The following DDX60L variants were observed in gnomAD, a reference collection of about 807,000 sequenced individuals.
DDX60L encodes probable ATP-dependent RNA helicase DDX60-like.
DDX60L carries 191 observed loss-of-function variants against 211.6 expected under a neutral mutation model. The observed-to-expected ratio is 0.90, with a 90% confidence interval of 0.80 to 1.02. The LOEUF is 1.02. Ranked by LOEUF, DDX60L falls within the 50% of genes least tolerant of loss-of-function variation. The probability of loss-of-function intolerance (pLI) is 0.00; values close to 1 mark genes in which losing one functional copy is unlikely to be tolerated. For missense variants in DDX60L, 2,007 were observed against 1,984.1 expected (o/e 1.01, Z -0.22); for synonymous variants, 706 against 694.1 (o/e 1.02, Z -0.27).
At chr4:168,422,006 A>AT in intron 16 of DDX60L, 97 bp from the exon 17 acceptor site, 1 of 1,498,726 alleles carries the variant, frequency 6.7e-7, no homozygotes, top group South Asian at 1.2e-5. Context: ...CTGTGCCTGT[A>AT]TTATGCTACC....
In DDX60L at chr4:168,358,156, A is replaced by G; in HGVS notation, c.5112T>C (p.His1704=). 1.2e-6 allele frequency: 2 copies of G among 1,608,968 alleles called. No individual in the cohort carries two copies. The highest frequency in any genetic ancestry group is 8.5e-7 in the Non-Finnish European group (1 of 1,177,672). Residue 1704 remains histidine, a synonymous_variant, in exon 38 of 38, where the codon CAT becomes CAC. Transcript: ENST00000682922. ...AAAGTTTTCCATGGTGTTATTCTAA[A>G]TGATTTTGACTCATTTGAATTTGCA... ...QEMQIQMSQN[H]LE is the part of the protein sequence containing the mutation.
chr4:168,366,150 C>A (rs1739951968), intron 36 of DDX60L, among the ~76,000 whole-genome samples: 1 of 151,828 alleles, frequency 6.6e-6, no homozygotes, highest in Non-Finnish European at 1.5e-5. Flanking sequence ...GGCAAGCAGA[C>A]AAGAGAATAA....
chr4:168,419,195 C>T (rs564108471), intron 19 of DDX60L, 107 bp downstream of exon 19: 339 of 681,434 alleles, frequency 5.0e-4, no homozygotes, highest in Non-Finnish European at 7.0e-4. Flanking sequence ...CCCTGGCTGA[C>T]GCACAACTTA....
At chr4:168,422,000 G>T in intron 16 of DDX60L, 91 bp from the exon 17 acceptor site, 2 of 1,526,386 alleles carry the variant, frequency 1.3e-6, no homozygotes, top group Non-Finnish European at 1.8e-6. Context: ...TGTCTCCTGT[G>T]CCTGTATTAT....
chr4:168,398,742 G>A (rs533671755), intron 26 of DDX60L, among the ~76,000 whole-genome samples: 18 of 152,274 alleles, frequency 1.2e-4, no homozygotes, highest in Admixed American at 3.3e-4. Flanking sequence ...ACCAGCTTCC[G>A]AGAGGAGCTA....
intron 10 of DDX60L, among the ~76,000 whole-genome samples, chr4:168,435,824 G>A (rs935530708): frequency 6.6e-6 from 1 of 152,218 alleles, no homozygotes; most frequent in Admixed American, 6.5e-5. Context: ...TAGTGAATAA[G>A]AAGTAGACAC....
intron 28 of DDX60L, 138 bp from the exon 29 acceptor site, chr4:168,391,782 C>T (rs1034246435): frequency 3.2e-5 from 16 of 500,406 alleles, no homozygotes; most frequent in Non-Finnish European, 4.6e-5. Context: ...CATACTAACC[C>T]TACTGTTCTT....
intron 7 of DDX60L, among the ~76,000 whole-genome samples, chr4:168,454,341 A>G (rs769731874): frequency 6.6e-6 from 1 of 152,180 alleles, no homozygotes; most frequent in Non-Finnish European, 1.5e-5. Flanking sequence ...TAAAAAGACT[A>G]TTGCACAGTA....
intron 10 of DDX60L, among the ~76,000 whole-genome samples, chr4:168,434,384 G>C (rs958818478): frequency 2.6e-5 from 4 of 152,120 alleles, no homozygotes; most frequent in African/African-American, 9.7e-5. Context: ...TGTAAGACCT[G>C]CTCACTCACC....
intron 13 of DDX60L, among the ~76,000 whole-genome samples, chr4:168,430,000 C>T (rs1439850882): frequency 6.6e-6 from 1 of 152,144 alleles, no homozygotes; most frequent in East Asian, 1.9e-4. Flanking sequence ...GAGTTCGAGA[C>T]CAGCCTGGCC....
chr4:168,465,601 T>C (rs972216284), intron 4 of DDX60L, among the ~76,000 whole-genome samples: 3 of 152,268 alleles, frequency 2.0e-5, no homozygotes, highest in Admixed American at 6.5e-5. Flanking sequence ...TCCCCTATGT[T>C]TTTTTCTAAT....
intron 22 of DDX60L, among the ~76,000 whole-genome samples, chr4:168,408,543 T>C (rs1303509244): frequency 6.6e-6 from 1 of 152,176 alleles, no homozygotes; most frequent in Non-Finnish European, 1.5e-5. Flanking sequence ...TAAAAGATCA[T>C]TATATGGTTG....
chr4:168,456,107 A>C lies in DDX60L; in HGVS notation c.769T>G (p.Ser257Ala). 1 of 1,597,116 alleles carries C rather than the reference A, an allele frequency of 6.3e-7. No individual in the cohort carries two copies. Among genetic ancestry groups the C allele is most frequent in the Non-Finnish European group, 8.5e-7 (1 of 1,173,558 alleles). Residue 257 changes from serine (S) to alanine (A), a missense_variant, in exon 7 of 38, where the codon TCG becomes GCG. By Grantham distance (99) the Ser-to-Ala change is moderately conservative (BLOSUM62 1). Transcript: ENST00000682922. Reference sequence around the variant, plus strand: ...ACACAGAGAACACGCTGGATGTCCGATCCTTCTGACCATAGGTGCTGAAGC... The same window carrying C: ...ACACAGAGAACACGCTGGATGTCCGCTCCTTCTGACCATAGGTGCTGAAGC... ...FLLQHLWSEGSDIQRVLCVTS... is the reference protein window; with the variant it reads ...FLLQHLWSEGADIQRVLCVTS...
intron 22 of DDX60L, 42 bp from the exon 23 acceptor site, chr4:168,406,748 T>C: frequency 9.9e-6 from 13 of 1,314,880 alleles, no homozygotes; most frequent in Non-Finnish European, 1.4e-5. Flanking sequence ...GAAATAAAAT[T>C]ACAATGTTTA....
At chr4:168,375,837 A>G (rs542234642) in intron 33 of DDX60L, among the ~76,000 whole-genome samples, 21 of 152,360 alleles carry the variant, frequency 1.4e-4, no homozygotes, top group African/African-American at 5.0e-4. Context: ...TTTAGAGAGC[A>G]AGTAACAAGT....
At chr4:168,433,922 C>T (rs1437253782) in intron 10 of DDX60L, among the ~76,000 whole-genome samples, 1 of 152,180 alleles carries the variant, frequency 6.6e-6, no homozygotes, top group Admixed American at 6.5e-5. Flanking sequence ...GTTACACTAG[C>T]CCCCAACAAC....
At position 168,432,201 on chromosome 4, in the gene DDX60L, T is replaced by C. The variant is rs138589444; in HGVS notation, c.1516+254A>G. On this transcript the variant is annotated intron_variant, in intron 12 of 37. Coordinates refer to ENST00000682922, the MANE Select transcript of DDX60L (RefSeq NM_001012967.3). ...ATAATGGGATTTTTTTCAGACAGCA[T>C]GCTTCCTACTGTGCCTCTTCAATTA... Among the ~76,000 whole-genome samples the C allele has an allele frequency of 6.5e-3, 979 of 151,128 alleles. 11 individuals are homozygous for C. Among genetic ancestry groups the C allele is most frequent in the African/African-American group, 0.022 (921 of 41,260 alleles).
At chr4:168,439,331 AGAGCCT>A (rs1753498743) in intron 10 of DDX60L, among the ~76,000 whole-genome samples, 1 of 152,090 alleles carries the variant, frequency 6.6e-6, no homozygotes, top group Non-Finnish European at 1.5e-5. Context: ...ATAATATAGA[AGAGCCT>A]GATCCAATCA....
rs536006270 is a variant in DDX60L at position 168,427,242 on chromosome 4, G to A, written c.1758C>T (p.Asn586=). ...LKEDQNKAQQ[N]DDLLFSIEEE... The stretch of plus-strand genomic sequence containing the variant: ...CTTCAATAGAAAACAGCAGATCATC[G>A]TTTTGCTGAGCTTTGTTCTGATCTT... The change falls in exon 14 of 38, where the codon AAC becomes AAT. Residue 586 remains asparagine (N), a synonymous_variant. Coordinates refer to ENST00000682922, the MANE Select transcript of DDX60L (RefSeq NM_001012967.3). 43 of 1,613,674 alleles carry A rather than the reference G, an allele frequency of 2.7e-5. No homozygotes were observed. The highest frequency in any genetic ancestry group is 2.5e-4 in the South Asian group (23 of 91,068).
Sources: allele counts gnomAD v4.1 joint callset (sites outside exome capture counted in the v4.1 genomes callset), GRCh38; gene constraint gnomAD v4.1.1; transcripts MANE v1.5; gene names NCBI Gene and HGNC (gene_info 2026-07-23, HGNC 2026-07-21).